Variants in CCSER1 observed in about 807,000 individuals in gnomAD.
The protein encoded by CCSER1 is coiled-coil serine rich protein 1, also known as serine-rich coiled-coil domain-containing protein 1.
In CCSER1, 41 loss-of-function variants were observed where a neutral mutation model predicts 82.0. The observed-to-expected ratio is 0.50, with a 90% CI of 0.39 to 0.65. The LOEUF (loss-of-function observed/expected upper bound fraction) is 0.65. Ranked by LOEUF, CCSER1 falls within the 30% of genes least tolerant of loss-of-function variation. The probability of loss-of-function intolerance (pLI) is 0.00; values close to 1 mark genes in which losing one functional copy is unlikely to be tolerated. For missense variants in CCSER1, 1,119 were observed against 1,064.2 expected, an observed-to-expected ratio of 1.05 and a Z score of -0.72; for synonymous variants, 414 against 383.9, an observed-to-expected ratio of 1.08 and a Z score of -0.92.
intron 3 of CCSER1, among the ~76,000 whole-genome samples, chr4:90,348,100 C>G (rs1742735320): frequency 6.6e-6 from 1 of 152,076 alleles, no homozygotes; most frequent in African/African-American, 2.4e-5. Context: ...GAACAACACA[C>G]ACTGGGGCCT....
intron 4 of CCSER1, among the ~76,000 whole-genome samples, chr4:90,407,953 A>G (rs1753993631): frequency 6.6e-6 from 1 of 152,202 alleles, no homozygotes; most frequent in Admixed American, 6.5e-5. Flanking sequence ...GCACTTTTCC[A>G]ACGGGCCTAA....
chr4:90,456,948 G>T (rs766906112), intron 4 of CCSER1, among the ~76,000 whole-genome samples: 4 of 152,268 alleles, frequency 2.6e-5, no homozygotes, highest in East Asian at 1.9e-4. Context: ...GACTTGATTT[G>T]CTCACTTGGC....
At chr4:91,238,232 TAA>T (rs1439395454) in intron 10 of CCSER1, among the ~76,000 whole-genome samples, 2 of 152,056 alleles carry the variant, frequency 1.3e-5, no homozygotes, top group Non-Finnish European at 2.9e-5. Flanking sequence ...AAGCACTTCC[TAA>T]AAGAGATTCA....
Position 90,579,965 on chromosome 4 carries a change from A to ACT in CCSER1, c.1725-48060_1725-48059insCT, listed in dbSNP as rs1387704676. Among the ~76,000 whole-genome samples the ACT allele has an allele frequency of 2.0e-5, 3 of 152,266 alleles. No homozygotes were observed. The East Asian group carries it at 5.8e-4, about 29-fold the overall frequency. ...TTTTTGGCAGTCTGGAGCAAAATCC[A>ACT]TACTTAATAGTAAGTGAAAATAAAA... On this transcript the variant is annotated intron_variant, in intron 5 of 10. Transcript: ENST00000509176.
In CCSER1 at chr4:90,489,130, A is replaced by C. The variant is rs1767570637; in HGVS notation, c.1724+20776A>C. Among the ~76,000 whole-genome samples the C allele has an allele frequency of 3.9e-5, 6 of 152,190 alleles. No individual in the cohort carries two copies. In the South Asian group the frequency reaches 1.2e-3, roughly 31 times the overall value. On this transcript the variant is annotated intron_variant, in intron 5 of 10. Transcript: ENST00000509176. ...TCATGATTAAGTTTTCTCTGATAACAAAAGCCATTTTTCAACTTTTATTTC... is the reference window on the plus strand; with the variant it reads ...TCATGATTAAGTTTTCTCTGATAACCAAAGCCATTTTTCAACTTTTATTTC...
intron 6 of CCSER1, among the ~76,000 whole-genome samples, chr4:90,716,547 C>A (rs1431157542): frequency 6.6e-6 from 1 of 152,018 alleles, no homozygotes; most frequent in Non-Finnish European, 1.5e-5. Flanking sequence ...TGCTTATTCC[C>A]ATACAGTTAT....
chr4:90,202,547 TG>T (rs1257841291), intron 1 of CCSER1, among the ~76,000 whole-genome samples: 1 of 152,220 alleles, frequency 6.6e-6, no homozygotes, highest in Middle Eastern at 3.2e-3. Context: ...CTTCCCAAAC[TG>T]GCTGGACTAA....
chr4:90,144,201 T>A (rs7677289), intron 1 of CCSER1, among the ~76,000 whole-genome samples: 1 of 152,006 alleles, frequency 6.6e-6, no homozygotes, highest in Non-Finnish European at 1.5e-5. Flanking sequence ...CTTTCCTGAA[T>A]GTGCTCCCAT....
chr4:90,804,655 A>C (rs2149713540), intron 7 of CCSER1, among the ~76,000 whole-genome samples: 1 of 152,138 alleles, frequency 6.6e-6, no homozygotes, highest in Non-Finnish European at 1.5e-5. Flanking sequence ...TAATTTATGG[A>C]TTTTACTTGC....
chr4:90,650,479 G>A (rs1011027888), intron 6 of CCSER1, among the ~76,000 whole-genome samples: 1 of 152,122 alleles, frequency 6.6e-6, no homozygotes, highest in Non-Finnish European at 1.5e-5. Flanking sequence ...AAAAAGGAAT[G>A]TGATGAATAG....
chr4:91,538,107 G>A (rs1053825188), intron 10 of CCSER1, among the ~76,000 whole-genome samples: 27 of 151,988 alleles, frequency 1.8e-4, no homozygotes, highest in African/African-American at 6.0e-4. Context: ...ATGCAGGAAA[G>A]ATAATAGTCT....
At chr4:91,038,391 TC>T (rs1185584433) in intron 9 of CCSER1, among the ~76,000 whole-genome samples, 7 of 151,998 alleles carry the variant, frequency 4.6e-5, no homozygotes, top group Non-Finnish European at 8.8e-5. Flanking sequence ...TAGCTAATGT[TC>T]CTTAACCAAG....
chr4:90,684,782 A>C (rs1350504801), intron 6 of CCSER1, among the ~76,000 whole-genome samples: 3 of 151,916 alleles, frequency 2.0e-5, no homozygotes, highest in Non-Finnish European at 4.4e-5. Flanking sequence ...TGTTCTCGTG[A>C]TAGTGAGTAA....
At chr4:90,917,710 T>G (rs957918857) in intron 8 of CCSER1, among the ~76,000 whole-genome samples, 1 of 152,016 alleles carries the variant, frequency 6.6e-6, no homozygotes, top group Non-Finnish European at 1.5e-5. Flanking sequence ...ATTTTAGTGA[T>G]TAAAGAAAAT....
At chr4:91,165,655 G>A (rs1731968027) in intron 10 of CCSER1, among the ~76,000 whole-genome samples, 1 of 152,202 alleles carries the variant, frequency 6.6e-6, no homozygotes, top group East Asian at 1.9e-4. Context: ...CCCTCCCCCT[G>A]CCAGGCTGCT....
chr4:91,156,531 A>AT (rs1375160625), intron 10 of CCSER1, among the ~76,000 whole-genome samples: 1 of 151,424 alleles, frequency 6.6e-6, no homozygotes, highest in African/African-American at 2.4e-5. Flanking sequence ...AATTATTAGA[A>AT]TTAAATTATT....
chr4:90,338,232 G>A (rs1183185802), intron 3 of CCSER1, among the ~76,000 whole-genome samples: 3 of 152,130 alleles, frequency 2.0e-5, no homozygotes, highest in Non-Finnish European at 4.4e-5. Context: ...ATTCCTGAAT[G>A]TCTAATGCAA....
At position 90,911,873 on chromosome 4, in the gene CCSER1, C is replaced by T. The variant is rs988318554; in HGVS notation, c.2095-11497C>T. ...AGAGGGTCCTACACCCATAGAGCCT[C>T]GCTCATTGCTAGCACAGCAGTCTGA... On this transcript the variant is annotated intron_variant, in intron 8 of 10. Coordinates refer to ENST00000509176, the MANE Select transcript of CCSER1 (RefSeq NM_001145065.2). Among the ~76,000 whole-genome samples, 19 of 152,288 alleles carry T rather than the reference C, an allele frequency of 1.2e-4. No individual in the cohort carries two copies. In the East Asian group the frequency reaches 3.1e-3, roughly 25 times the overall value.
intron 10 of CCSER1, among the ~76,000 whole-genome samples, chr4:91,308,541 G>A (rs1039264450): frequency 1.3e-5 from 2 of 151,950 alleles, no homozygotes; most frequent in African/African-American, 2.4e-5. Context: ...AAAGAACAAT[G>A]CCTGTTATGC....
Sources: gnomAD v4.1 joint callset for allele counts (sites outside exome capture counted in the v4.1 genomes callset) on GRCh38, gnomAD v4.1.1 for gene constraint, MANE v1.5 for transcripts, NCBI Gene and HGNC (gene_info 2026-07-23, HGNC 2026-07-21) for gene names.